The following ATP13A4 variants were observed in gnomAD, a reference collection of about 807,000 sequenced individuals.
ATP13A4 encodes ATPase 13A4, also known as probable cation-transporting ATPase 13A4.
In ATP13A4, 114 loss-of-function variants were observed where a neutral mutation model predicts 142.5. The ratio of observed to expected loss-of-function variants is 0.80; its 90% CI spans 0.69 to 0.93. The LOEUF (loss-of-function observed/expected upper bound fraction) is 0.93, where lower values mean the gene tolerates loss of function less well. Among genes scored for constraint, ATP13A4 ranks in the 40% least tolerant of loss-of-function variants. The pLI, the probability that ATP13A4 is intolerant of heterozygous loss-of-function variation, is 0.00. For synonymous variants in ATP13A4, 488 were observed against 514.8 expected, an observed-to-expected ratio of 0.95 and a Z score of 0.70; for missense variants, 1,392 against 1,454.0, an observed-to-expected ratio of 0.96 and a Z score of 0.69.
At chr3:193,575,628 T>C (rs1480451055) in intron 2 of ATP13A4, among the ~76,000 whole-genome samples, 1 of 152,222 alleles carries the variant, frequency 6.6e-6, no homozygotes, top group East Asian at 1.9e-4. Context: ...TGTATATCCA[T>C]CAGGAAAATC....
chr3:193,427,819 C>T (rs1198513453), intron 25 of ATP13A4, among the ~76,000 whole-genome samples: 1 of 152,124 alleles, frequency 6.6e-6, no homozygotes, highest in Non-Finnish European at 1.5e-5. Context: ...AAATGTTAGA[C>T]CTAAAACCAT....
chr3:193,494,987 GT>G (rs1289182248), intron 3 of ATP13A4, among the ~76,000 whole-genome samples: 1 of 151,954 alleles, frequency 6.6e-6, no homozygotes, highest in Non-Finnish European at 1.5e-5. Flanking sequence ...ATGCCAACAA[GT>G]TTGATAAATC....
chr3:193,484,105 C>T, intron 7 of ATP13A4, 100 bp from the exon 8 acceptor site: 1 of 1,005,766 alleles, frequency 9.9e-7, no homozygotes, highest in Non-Finnish European at 1.6e-6. Flanking sequence ...CACTGTCTTA[C>T]TGCCAGTTGA....
intron 3 of ATP13A4, among the ~76,000 whole-genome samples, chr3:193,496,135 T>C (rs1187905905): frequency 6.6e-6 from 1 of 152,192 alleles, no homozygotes; most frequent in East Asian, 1.9e-4. Flanking sequence ...TTATTAACAA[T>C]GCCCATGCTA....
chr3:193,481,173 T>C (rs576988856), intron 8 of ATP13A4, among the ~76,000 whole-genome samples: 1 of 152,300 alleles, frequency 6.6e-6, no homozygotes, highest in African/African-American at 2.4e-5. Context: ...CTGGGTGCAG[T>C]GTACACTGCT....
chr3:193,483,740 A>G (rs913856980), intron 8 of ATP13A4, among the ~76,000 whole-genome samples, 196 bp downstream of exon 8: 1 of 152,206 alleles, frequency 6.6e-6, no homozygotes, highest in African/African-American at 2.4e-5. Flanking sequence ...CTGGGATTAC[A>G]GGCGTGAGCC....
At chr3:193,419,923 A>C (rs1715323002) in intron 25 of ATP13A4, among the ~76,000 whole-genome samples, 1 of 150,044 alleles carries the variant, frequency 6.7e-6, no homozygotes, top group African/African-American at 2.5e-5. Context: ...AGCTTCACAG[A>C]GTATGGAATA....
chr3:193,441,371 T>C, intron 20 of ATP13A4, 95 bp downstream of exon 20: 2 of 1,485,182 alleles, frequency 1.3e-6, no homozygotes, highest in Non-Finnish European at 1.9e-6. Context: ...GAGTATATTT[T>C]ACCTGTCTCA....
In ATP13A4 at chr3:193,422,479, A is replaced by G. The variant is rs1025357990; in HGVS notation, c.2843-7729T>C. Among the ~76,000 whole-genome samples, 25 of 149,930 alleles carry G rather than the reference A, an allele frequency of 1.7e-4. 3 individuals are homozygous for G. Among genetic ancestry groups the G allele is most frequent in the African/African-American group, 5.9e-4 (24 of 40,870 alleles). ...TCCAGTTTAGATCATATGGTAGTTCACAAAACAAGTACTAAAACATTTTTT... is the reference window on the plus strand; with the variant it reads ...TCCAGTTTAGATCATATGGTAGTTCGCAAAACAAGTACTAAAACATTTTTT... On this transcript the variant is annotated intron_variant, in intron 25 of 29. Transcript: ENST00000342695.
intron 2 of ATP13A4, among the ~76,000 whole-genome samples, chr3:193,575,438 T>G (rs1344839980): frequency 6.6e-6 from 1 of 152,100 alleles, no homozygotes; most frequent in East Asian, 1.9e-4. Flanking sequence ...CAAACCACTT[T>G]GAATTTGAAT....
chr3:193,550,668 T>A (rs914539566), intron 1 of ATP13A4, among the ~76,000 whole-genome samples: 2 of 152,226 alleles, frequency 1.3e-5, no homozygotes, highest in Non-Finnish European at 2.9e-5. Flanking sequence ...ATTCTTTAGA[T>A]CCTTATTTGC....
intron 7 of ATP13A4, among the ~76,000 whole-genome samples, chr3:193,486,734 T>C (rs759594791): frequency 6.6e-6 from 1 of 152,208 alleles, no homozygotes; most frequent in Non-Finnish European, 1.5e-5. Context: ...GAGATACATA[T>C]ACAAATTTGA....
At chr3:193,447,809 T>A (rs772240438) in intron 18 of ATP13A4, among the ~76,000 whole-genome samples, 2 of 152,186 alleles carry the variant, frequency 1.3e-5, no homozygotes, top group Admixed American at 1.3e-4. Context: ...ATAGACCCCA[T>A]CAACTGAGGA....
intron 10 of ATP13A4, among the ~76,000 whole-genome samples, chr3:193,466,948 T>C (rs937227727): frequency 6.6e-6 from 1 of 151,934 alleles, no homozygotes; most frequent in African/African-American, 2.4e-5. Flanking sequence ...CAAAAAAAAA[T>C]GGAAAGAATG....
At chr3:193,472,812 G>T (rs1576999307) in intron 8 of ATP13A4, among the ~76,000 whole-genome samples, 2 of 152,272 alleles carry the variant, frequency 1.3e-5, no homozygotes, top group South Asian at 4.1e-4. Context: ...GGGGACTCCT[G>T]TAGATAAAAT....
At chr3:193,457,191 T>A in intron 15 of ATP13A4, 38 bp from the exon 16 acceptor site, 6 of 1,611,290 alleles carry the variant, frequency 3.7e-6, no homozygotes, top group Non-Finnish European at 5.1e-6. Context: ...AACATGCTGA[T>A]ACAGCTTCTA....
intron 2 of ATP13A4, among the ~76,000 whole-genome samples, chr3:193,509,275 C>T (rs562249980): frequency 6.6e-6 from 1 of 152,266 alleles, no homozygotes; most frequent in South Asian, 2.1e-4. Flanking sequence ...CTACCATAAC[C>T]TGGAGCCTTT....
chr3:193,412,229 C>T lies in ATP13A4; in HGVS notation c.3157G>A (p.Ala1053Thr). 1 of 1,613,368 alleles carries T rather than the reference C, an allele frequency of 6.2e-7. No homozygotes were observed. Among genetic ancestry groups the T allele is most frequent in the Non-Finnish European group, 8.5e-7 (1 of 1,179,332 alleles). The change falls in exon 27 of 30, where the codon GCT becomes ACT. Residue 1053 changes from alanine (A) to threonine (T), a missense_variant. By Grantham distance (58) the Ala-to-Thr change is moderately conservative. Transcript: ENST00000342695. ...GGTTTTCCTTTAGAGAACACAAGAG[C>T]CACAGTGATACAGTTGATTGTTCCC... The part of the protein sequence containing the change: ...FLGTINCITV[A>T]LVFSKGKPFR...
At chr3:193,507,186 A>T (rs577015968) in intron 2 of ATP13A4, among the ~76,000 whole-genome samples, 1 of 152,202 alleles carries the variant, frequency 6.6e-6, no homozygotes, top group Non-Finnish European at 1.5e-5. Context: ...ATACATTGCA[A>T]TGCTAAAAGG....
Sources: allele counts gnomAD v4.1 joint callset (sites outside exome capture counted in the v4.1 genomes callset), GRCh38; gene constraint gnomAD v4.1.1; transcripts MANE v1.5; gene names NCBI Gene and HGNC (gene_info 2026-07-23, HGNC 2026-07-21).